Variants in CORIN observed in about 807,000 individuals in gnomAD.
CORIN encodes corin, serine peptidase, also known as atrial natriuretic peptide-converting enzyme.
Under a neutral mutation model 125.3 loss-of-function variants are expected in CORIN, and 117 were observed. That is an observed-to-expected ratio of 0.93 (90% CI 0.80 to 1.09). CORIN has a LOEUF of 1.09. Ranked by LOEUF, CORIN falls within the 50% of genes least tolerant of loss-of-function variation. CORIN has a pLI of 0.00. For missense variants in CORIN, 1,253 were observed against 1,306.7 expected (o/e 0.96, Z 0.63); for synonymous variants, 450 against 466.4 (o/e 0.96, Z 0.45).
intron 4 of CORIN, among the ~76,000 whole-genome samples, chr4:47,752,750 C>A (rs1728958889): frequency 6.6e-6 from 1 of 151,934 alleles, no homozygotes; most frequent in Non-Finnish European, 1.5e-5. Context: ...AAAAATGACA[C>A]AGCCACTCTG....
chr4:47,655,582 C>T (rs1723936208), intron 12 of CORIN, among the ~76,000 whole-genome samples: 2 of 152,110 alleles, frequency 1.3e-5, no homozygotes, highest in Admixed American at 6.5e-5. Flanking sequence ...GGAAAAACCA[C>T]TAGCACTCTT....
At chr4:47,627,582 AC>A (rs764239526) in intron 16 of CORIN, among the ~76,000 whole-genome samples, 8 of 152,234 alleles carry the variant, frequency 5.3e-5, no homozygotes, top group African/African-American at 2.4e-5. Context: ...AAAACCTCTT[AC>A]AAAAATAAGA....
chr4:47,617,835 T>G (rs1342462823), intron 19 of CORIN, among the ~76,000 whole-genome samples: 2 of 152,100 alleles, frequency 1.3e-5, no homozygotes, highest in African/African-American at 4.8e-5. Flanking sequence ...CTTTTCTCAG[T>G]GCATTAAAAG....
intron 2 of CORIN, among the ~76,000 whole-genome samples, chr4:47,789,939 A>T (rs942364322): frequency 1.4e-4 from 22 of 152,010 alleles, no homozygotes; most frequent in African/African-American, 5.3e-4. Flanking sequence ...GGAGAATGGC[A>T]TGAACCCGGG....
At chr4:47,635,402 C>T (rs1354117789) in intron 16 of CORIN, among the ~76,000 whole-genome samples, 2 of 152,158 alleles carry the variant, frequency 1.3e-5, no homozygotes, top group South Asian at 2.1e-4. Flanking sequence ...AAAGCTGCCT[C>T]AAGTAGGATT....
At chr4:47,673,492 G>A (rs1197023319) in intron 10 of CORIN, among the ~76,000 whole-genome samples, 1 of 152,070 alleles carries the variant, frequency 6.6e-6, no homozygotes, top group Non-Finnish European at 1.5e-5. Flanking sequence ...AGTGAAAGAA[G>A]CGAGTATAAC....
chr4:47,604,777 A>T lies in CORIN; in HGVS notation c.2541-1109T>A, dbSNP rs569924490. Among the ~76,000 whole-genome samples, 16 of 152,212 alleles carry T rather than the reference A, an allele frequency of 1.1e-4. No homozygotes were observed. The South Asian group carries it at 3.3e-3, about 32-fold the overall frequency. ...CCTCCCAAATCATGGTCCTTCTTCT[A>T]ATCTTAGTCCCTGTAGTCCATTTTC... On this transcript the variant is annotated intron_variant, in intron 19 of 21. Coordinates refer to ENST00000273857, the MANE Select transcript of CORIN (RefSeq NM_006587.4).
intron 5 of CORIN, among the ~76,000 whole-genome samples, chr4:47,699,502 C>T (rs914456149): frequency 1.3e-5 from 2 of 152,206 alleles, no homozygotes; most frequent in East Asian, 3.8e-4. Flanking sequence ...TCTCTCCCTT[C>T]TAGAATGCAA....
chr4:47,746,492 G>C (rs771951629), intron 4 of CORIN, among the ~76,000 whole-genome samples: 4 of 152,054 alleles, frequency 2.6e-5, no homozygotes, highest in Non-Finnish European at 4.4e-5. Context: ...ACTGTACTAC[G>C]AGTAAGTCCT....
chr4:47,680,691 G>A (rs1030972241), intron 7 of CORIN: 9 of 160,194 alleles, frequency 5.6e-5, no homozygotes, highest in Non-Finnish European at 6.8e-5. Context: ...TTACCTGTCT[G>A]GCAAATTGGG....
At chr4:47,669,690 T>G (rs1724653625) in intron 10 of CORIN, among the ~76,000 whole-genome samples, 1 of 152,030 alleles carries the variant, frequency 6.6e-6, no homozygotes, top group African/African-American at 2.4e-5. Flanking sequence ...TGCCTCAGCT[T>G]CCCGAGTAGC....
rs1560557025 is a variant in CORIN, at chr4:47,804,738, G to GGA, written c.208+2164_208+2165insTC. Among the ~76,000 whole-genome samples the GGA allele has an allele frequency of 5.8e-3, 763 of 131,440 alleles. 13 individuals carry two copies. The highest frequency in any genetic ancestry group is 0.02 in the African/African-American group (683 of 33,474). 86.2% of individuals were successfully genotyped at this position (131,440 alleles called of 152,430 possible). On this transcript the variant is annotated intron_variant, in intron 2 of 21. Transcript: ENST00000273857. The stretch of plus-strand genomic sequence containing the variant: ...GGGAAGGATGGTGGGGGGTGGGGAG[G>GGA]GGGGGGGTTGTTAATGGGTACAAAA...
chr4:47,698,973 C>G (rs901748408), intron 5 of CORIN, among the ~76,000 whole-genome samples: 3 of 152,166 alleles, frequency 2.0e-5, no homozygotes, highest in African/African-American at 7.2e-5. Flanking sequence ...ATAGCCTGGA[C>G]GTGTAGTAGG....
At chr4:47,742,345 G>A (rs557730743) in intron 5 of CORIN, among the ~76,000 whole-genome samples, 1 of 151,738 alleles carries the variant, frequency 6.6e-6, no homozygotes, top group African/African-American at 2.4e-5. Flanking sequence ...GAAATAAATT[G>A]TCATTATTTT....
At chr4:47,825,697 C>CTTT (rs759495221) in intron 1 of CORIN, among the ~76,000 whole-genome samples, 23 of 134,788 alleles carry the variant, frequency 1.7e-4, no homozygotes, top group African/African-American at 2.5e-4. Context: ...CAAACCACTG[C>CTTT]TTTTTTTTTT....
chr4:47,686,589 C>T (rs1336692971), intron 6 of CORIN, among the ~76,000 whole-genome samples: 4 of 151,680 alleles, frequency 2.6e-5, no homozygotes, highest in African/African-American at 7.3e-5. Flanking sequence ...CTGGGGAATT[C>T]GTGCATCAAG....
In CORIN at chr4:47,731,306, A is replaced by C. The variant is rs962149954; in HGVS notation, c.799+13096T>G. ...GTGTGTGTGTGTGTCTGCATGCTGCAAGCATACATATGCATGCAGGTCCAG... is the reference window on the plus strand; with the variant it reads ...GTGTGTGTGTGTGTCTGCATGCTGCCAGCATACATATGCATGCAGGTCCAG... On this transcript the variant is annotated intron_variant, in intron 5 of 21. Transcript: ENST00000273857. Among the ~76,000 whole-genome samples the C allele has an allele frequency of 7.2e-5, 11 of 152,304 alleles. No individual in the cohort carries two copies. In the East Asian group the frequency reaches 1.9e-3, roughly 27 times the overall value.
At chr4:47,703,248 C>A (rs560464368) in intron 5 of CORIN, among the ~76,000 whole-genome samples, 41 of 152,220 alleles carry the variant, frequency 2.7e-4, no homozygotes, top group Non-Finnish European at 5.1e-4. Flanking sequence ...ATGCAGCAGC[C>A]GGTAGTGACA....
intron 3 of CORIN, among the ~76,000 whole-genome samples, chr4:47,780,384 T>C (rs1730484335): frequency 1.3e-5 from 2 of 152,074 alleles, no homozygotes; most frequent in African/African-American, 4.8e-5. Flanking sequence ...CAATTACAAA[T>C]AACATATATA....
Sources: gnomAD v4.1 joint callset for allele counts (sites outside exome capture counted in the v4.1 genomes callset) on GRCh38, gnomAD v4.1.1 for gene constraint, MANE v1.5 for transcripts, NCBI Gene and HGNC (gene_info 2026-07-23, HGNC 2026-07-21) for gene names.